NEGR1: variants seen among roughly 807,000 people sequenced by gnomAD.
NEGR1 encodes the protein neuronal growth regulator 1.
NEGR1 carries 10 observed loss-of-function variants against 40.9 expected under a neutral mutation model. That is an observed-to-expected ratio of 0.24 (90% CI 0.15 to 0.42). NEGR1 has a LOEUF of 0.42. NEGR1 is among the 10% of genes least tolerant of loss of function. NEGR1 has a pLI of 1.00. For missense variants in NEGR1, 352 were observed against 438.9 expected, an observed-to-expected ratio of 0.80 and a Z score of 1.77; for synonymous variants, 185 against 166.8, an observed-to-expected ratio of 1.11 and a Z score of -0.84.
intron 2 of NEGR1, among the ~76,000 whole-genome samples, chr1:71,886,966 A>C (rs940553481): frequency 5.9e-5 from 9 of 152,178 alleles, no homozygotes; most frequent in African/African-American, 2.2e-4. Context: ...TGCACTGTTG[A>C]AAATTCATTT....
At chr1:71,901,440 C>T (rs1661140074) in intron 2 of NEGR1, among the ~76,000 whole-genome samples, 1 of 152,032 alleles carries the variant, frequency 6.6e-6, no homozygotes, top group South Asian at 2.1e-4. Context: ...TTGTATATTG[C>T]TGAATCTCTA....
chr1:71,961,310 A>C (rs1269117269), intron 1 of NEGR1, among the ~76,000 whole-genome samples: 1 of 152,128 alleles, frequency 6.6e-6, no homozygotes, highest in Non-Finnish European at 1.5e-5. Context: ...TACATGTTTT[A>C]TTGAACATTA....
intron 1 of NEGR1, among the ~76,000 whole-genome samples, chr1:71,980,786 C>A (rs1646347757): frequency 6.6e-6 from 1 of 152,094 alleles, no homozygotes; most frequent in Admixed American, 6.6e-5. Context: ...GCCCTATATG[C>A]CTTAGTTCTA....
intron 1 of NEGR1, among the ~76,000 whole-genome samples, chr1:72,281,321 GGA>G (rs1420298603): frequency 1.3e-5 from 2 of 152,224 alleles, no homozygotes; most frequent in African/African-American, 4.8e-5. Context: ...GAACAGAGAA[GGA>G]GAGTATGCCT....
At chr1:71,972,860 A>G (rs1345785554) in intron 1 of NEGR1, among the ~76,000 whole-genome samples, 2 of 152,134 alleles carry the variant, frequency 1.3e-5, no homozygotes, top group African/African-American at 4.8e-5. Flanking sequence ...GTTTTATTGT[A>G]GCCCTTTGGT....
chr1:71,593,521 A>C (rs1649575163), intron 5 of NEGR1, among the ~76,000 whole-genome samples: 2 of 152,202 alleles, frequency 1.3e-5, no homozygotes, highest in African/African-American at 4.8e-5. Flanking sequence ...AAAAAGAGAC[A>C]GTCATATAGT....
chr1:72,010,783 T>G (rs1280468279), intron 1 of NEGR1, among the ~76,000 whole-genome samples: 2 of 152,172 alleles, frequency 1.3e-5, no homozygotes, highest in Non-Finnish European at 2.9e-5. Context: ...GGTAGAAGCC[T>G]GGAATATGAC....
intron 4 of NEGR1, among the ~76,000 whole-genome samples, chr1:71,638,073 A>C (rs1210114974): frequency 1.3e-5 from 2 of 152,100 alleles, no homozygotes; most frequent in Non-Finnish European, 2.9e-5. Flanking sequence ...GTTGGATTCA[A>C]ATCCAGAATT....
At chr1:71,419,440 C>T (rs1646378716) in intron 6 of NEGR1, among the ~76,000 whole-genome samples, 1 of 152,150 alleles carries the variant, frequency 6.6e-6, no homozygotes, top group South Asian at 2.1e-4. Flanking sequence ...TGATAATTCT[C>T]TCAGTTAGTG....
At chr1:72,255,466 G>A (rs959193380) in intron 1 of NEGR1, among the ~76,000 whole-genome samples, 1 of 151,768 alleles carries the variant, frequency 6.6e-6, no homozygotes, top group Non-Finnish European at 1.5e-5. Flanking sequence ...TTCATCCTGG[G>A]TGTTGATATA....
At chr1:71,522,138 C>A (rs926150950) in intron 6 of NEGR1, among the ~76,000 whole-genome samples, 2 of 151,880 alleles carry the variant, frequency 1.3e-5, no homozygotes, top group Non-Finnish European at 2.9e-5. Flanking sequence ...AATAGAATTT[C>A]TAGTGTATGA....
chr1:71,898,979 AG>A (rs1378866277), intron 2 of NEGR1, among the ~76,000 whole-genome samples: 4 of 28,498 alleles, frequency 1.4e-4, no homozygotes, highest in Non-Finnish European at 2.3e-4. Context: ...ATATATATAT[AG>A]CATATATATA....
At chr1:72,053,880 T>TA (rs59398777) in intron 1 of NEGR1, among the ~76,000 whole-genome samples, 56,578 of 147,006 alleles carry the variant, frequency 0.38, 11,893 homozygotes, top group Non-Finnish European at 0.49. Flanking sequence ...ATTTTAAGAT[T>TA]AAAAAAAAAA....
At chr1:72,000,921 G>A (rs1027883915) in intron 1 of NEGR1, among the ~76,000 whole-genome samples, 1 of 152,114 alleles carries the variant, frequency 6.6e-6, no homozygotes, top group African/African-American at 2.4e-5. Context: ...CACAGATAAG[G>A]GAACTTGCAA....
At chr1:71,735,800 A>G (rs1021529557) in intron 3 of NEGR1, among the ~76,000 whole-genome samples, 1 of 152,126 alleles carries the variant, frequency 6.6e-6, no homozygotes, top group Non-Finnish European at 1.5e-5. Context: ...GACAGGTACT[A>G]GAGGGCCACA....
rs777190945 is a variant in NEGR1 at position 71,399,073 on chromosome 1, T to A, written c.*8373A>T. Reference sequence around the variant, plus strand: ...CTCGGGTATATCTTTATCAGCAGTGTGAAAACTGACTAATATACCACTATA... The same window carrying A: ...CTCGGGTATATCTTTATCAGCAGTGAGAAAACTGACTAATATACCACTATA... On this transcript the variant is annotated 3_prime_UTR_variant, in exon 7 of 7. Coordinates refer to ENST00000357731, the MANE Select transcript of NEGR1 (RefSeq NM_173808.3). 6.6e-6 allele frequency: 1 copy of A among 152,204 alleles called. No homozygotes were observed. Among genetic ancestry groups the A allele is most frequent in the African/African-American group, 2.4e-5 (1 of 41,444 alleles). 9.4% of individuals were successfully genotyped at this position (152,204 alleles called of 1,614,324 possible). A position where few individuals can be genotyped will look rare whatever the true frequency, so the allele number is the denominator to read the frequency against.
Position 71,804,413 on chromosome 1 carries a change from G to A in NEGR1, c.410-28116C>T, listed in dbSNP as rs144622538. Among the ~76,000 whole-genome samples the A allele has an allele frequency of 4.3e-3, 662 of 152,214 alleles. 2 individuals carry two copies. Among genetic ancestry groups the A allele is most frequent in the African/African-American group, 0.014 (562 of 41,572 alleles). On this transcript the variant is annotated intron_variant, in intron 2 of 6. Transcript: ENST00000357731. ...CACAGTGTAAGTACAGACTGCATAC[G>A]TAGACACCAGCCAGTTTAGGTTCAC... is the stretch of plus-strand genomic sequence containing the variant.
chr1:71,775,341 T>C (rs1656464217), intron 3 of NEGR1, among the ~76,000 whole-genome samples: 1 of 120,400 alleles, frequency 8.3e-6, no homozygotes, highest in Admixed American at 1.1e-4. Flanking sequence ...AAAAGTATTC[T>C]TTAACTTTTT....
chr1:71,809,996 T>C (rs930118595), intron 2 of NEGR1, among the ~76,000 whole-genome samples: 1 of 152,180 alleles, frequency 6.6e-6, no homozygotes, highest in African/African-American at 2.4e-5. Flanking sequence ...CAAAAGATTT[T>C]TATTATCAGT....
Sources: gnomAD v4.1 joint callset for allele counts (sites outside exome capture counted in the v4.1 genomes callset) on GRCh38, gnomAD v4.1.1 for gene constraint, MANE v1.5 for transcripts, NCBI Gene and HGNC (gene_info 2026-07-23, HGNC 2026-07-21) for gene names.